Variants in HS3ST4 observed in about 807,000 individuals in gnomAD.
HS3ST4 encodes heparan sulfate glucosamine 3-O-sulfotransferase 4.
A neutral mutation model predicts 29.2 loss-of-function variants in HS3ST4; 17 were observed. The observed-to-expected ratio is 0.58, with a 90% CI of 0.40 to 0.87. HS3ST4 has a LOEUF of 0.87. Among genes scored for constraint, HS3ST4 ranks in the 40% least tolerant of loss-of-function variants. HS3ST4 has a pLI of 0.00. For synonymous variants in HS3ST4, 314 were observed against 285.7 expected (o/e 1.10, Z -1.00); for missense variants, 627 against 634.5 (o/e 0.99, Z 0.13).
At chr16:26,068,442 G>A (rs1433585123) in intron 1 of HS3ST4, among the ~76,000 whole-genome samples, 1 of 152,136 alleles carries the variant, frequency 6.6e-6, no homozygotes, top group Non-Finnish European at 1.5e-5. Flanking sequence ...CATTTTACAG[G>A]TGAGGGTTCT....
intron 1 of HS3ST4, among the ~76,000 whole-genome samples, chr16:26,058,777 A>T (rs1898441761): frequency 1.3e-5 from 2 of 152,218 alleles, no homozygotes. Flanking sequence ...CACCTGACTC[A>T]GTCCCTTTCT....
At chr16:25,740,786 C>G (rs1160938742) in intron 1 of HS3ST4, among the ~76,000 whole-genome samples, 1 of 152,180 alleles carries the variant, frequency 6.6e-6, no homozygotes, top group Non-Finnish European at 1.5e-5. Context: ...CAGGGTCACA[C>G]AGTGCCAGAA....
intron 1 of HS3ST4, among the ~76,000 whole-genome samples, chr16:25,798,187 T>A (rs1196099365): frequency 6.6e-6 from 1 of 152,182 alleles, no homozygotes; most frequent in African/African-American, 2.4e-5. Flanking sequence ...GTGCAGAGAA[T>A]TGCCGCAGAG....
intron 1 of HS3ST4, among the ~76,000 whole-genome samples, chr16:25,816,990 C>T (rs1392497667): frequency 6.6e-6 from 1 of 152,158 alleles, no homozygotes; most frequent in East Asian, 1.9e-4. Flanking sequence ...ACCTTAAAGG[C>T]CCCACCTCTC....
At chr16:25,704,761 C>A (rs746836056) in intron 1 of HS3ST4, among the ~76,000 whole-genome samples, 3 of 151,984 alleles carry the variant, frequency 2.0e-5, no homozygotes, top group Non-Finnish European at 4.4e-5. Context: ...CACCTGTAAT[C>A]CCAGCTACTG....
chr16:25,796,656 G>T (rs1033654258), intron 1 of HS3ST4, among the ~76,000 whole-genome samples: 1 of 152,232 alleles, frequency 6.6e-6, no homozygotes, highest in Admixed American at 6.5e-5. Context: ...GAATGTGTTG[G>T]TGGTGGAAGA....
chr16:25,950,187 CA>C (rs1968669771), intron 1 of HS3ST4, among the ~76,000 whole-genome samples: 1 of 152,188 alleles, frequency 6.6e-6, no homozygotes, highest in Non-Finnish European at 1.5e-5. Context: ...GATACAGACT[CA>C]ATCAATGCCC....
intron 1 of HS3ST4, among the ~76,000 whole-genome samples, chr16:25,851,031 G>A (rs1253303355): frequency 6.6e-6 from 1 of 152,148 alleles, no homozygotes; most frequent in East Asian, 1.9e-4. Context: ...AGCGGTTGGA[G>A]TCTTAAAGAG....
In HS3ST4 at chr16:25,710,029, A is replaced by G. The variant is rs1355144238; in HGVS notation, c.734+16878A>G. On this transcript the variant is annotated intron_variant, in intron 1 of 1. Transcript: ENST00000331351. Reference sequence around the variant, plus strand: ...TTTGATCAGTCTTAATTTAACAACTAGATAGCCTAGAATTTCTAGAAAATC... The same window carrying G: ...TTTGATCAGTCTTAATTTAACAACTGGATAGCCTAGAATTTCTAGAAAATC... Among the ~76,000 whole-genome samples the G allele has an allele frequency of 2.6e-5, 4 of 152,184 alleles. No homozygotes were observed. The East Asian group carries it at 5.8e-4, about 22-fold the overall frequency.
intron 1 of HS3ST4, among the ~76,000 whole-genome samples, chr16:26,031,505 C>G (rs1969530573): frequency 6.6e-6 from 1 of 152,094 alleles, no homozygotes; most frequent in Non-Finnish European, 1.5e-5. Flanking sequence ...GAAACACACT[C>G]CACTCCACTC....
intron 1 of HS3ST4, among the ~76,000 whole-genome samples, chr16:25,907,691 G>A (rs993665019): frequency 9.9e-5 from 15 of 152,034 alleles, no homozygotes; most frequent in Non-Finnish European, 1.2e-4. Context: ...TTGTTCCTTC[G>A]GCACCCGGGC....
intron 1 of HS3ST4, among the ~76,000 whole-genome samples, chr16:25,776,705 A>G (rs180730566): frequency 6.6e-6 from 1 of 152,320 alleles, no homozygotes; most frequent in African/African-American, 2.4e-5. Context: ...GTATTCTCAG[A>G]TACACACACT....
intron 1 of HS3ST4, among the ~76,000 whole-genome samples, chr16:26,040,659 TG>T (rs144171125): frequency 0.084 from 12,695 of 151,866 alleles, 690 homozygotes; most frequent in East Asian, 0.18. Context: ...TGAACACTTG[TG>T]GGGTGTTCAT....
At chr16:26,101,050 A>G (rs1275299804) in intron 1 of HS3ST4, among the ~76,000 whole-genome samples, 1 of 152,140 alleles carries the variant, frequency 6.6e-6, no homozygotes, top group Non-Finnish European at 1.5e-5. Context: ...CTCACTGCTA[A>G]TATTCAGTCT....
At chr16:25,892,051 C>A (rs1331522066) in intron 1 of HS3ST4, among the ~76,000 whole-genome samples, 1 of 152,132 alleles carries the variant, frequency 6.6e-6, no homozygotes, top group Non-Finnish European at 1.5e-5. Context: ...CTATTATTAT[C>A]ATCATCACTA....
chr16:26,068,952 T>C lies in HS3ST4; in HGVS notation c.735-66660T>C, dbSNP rs1015093327. Among the ~76,000 whole-genome samples the C allele has an allele frequency of 7.9e-5, 12 of 152,276 alleles. No homozygotes were observed. In the East Asian group the frequency reaches 2.1e-3, roughly 27 times the overall value. On this transcript the variant is annotated intron_variant, in intron 1 of 1. Transcript: ENST00000331351. ...CACTTCTGCCAATATCTATATTATT[T>C]ATTTATGTATTGTGTTTGAGACGGG...
At chr16:25,765,030 A>G (rs1342585199) in intron 1 of HS3ST4, among the ~76,000 whole-genome samples, 3 of 152,176 alleles carry the variant, frequency 2.0e-5, no homozygotes, top group Non-Finnish European at 4.4e-5. Flanking sequence ...GAAGAAATAA[A>G]TAGCCCAGGC....
intron 1 of HS3ST4, among the ~76,000 whole-genome samples, chr16:25,935,151 C>A (rs1014175941): frequency 6.6e-6 from 1 of 152,146 alleles, no homozygotes; most frequent in Non-Finnish European, 1.5e-5. Context: ...TGAGGCCTCC[C>A]CAGCCATGTG....
At chr16:25,853,605 C>A (rs964256677) in intron 1 of HS3ST4, among the ~76,000 whole-genome samples, 1 of 152,080 alleles carries the variant, frequency 6.6e-6, no homozygotes, top group Non-Finnish European at 1.5e-5. Context: ...AAGTTTTTAT[C>A]ATGAAAGGAT....
Sources: allele counts gnomAD v4.1 joint callset (sites outside exome capture counted in the v4.1 genomes callset), GRCh38; gene constraint gnomAD v4.1.1; transcripts MANE v1.5; gene names NCBI Gene and HGNC (gene_info 2026-07-23, HGNC 2026-07-21).